MBNL2: variants seen among roughly 807,000 people sequenced by gnomAD.
MBNL2 encodes the protein muscleblind like splicing regulator 2, also known as muscleblind-like protein 2.
Under a neutral mutation model 41.9 loss-of-function variants are expected in MBNL2, and 17 were observed. The ratio of observed to expected loss-of-function variants is 0.41; its 90% CI spans 0.28 to 0.61. The LOEUF is 0.61. Ranked by LOEUF, MBNL2 falls within the 20% of genes least tolerant of loss-of-function variation. MBNL2 has a pLI of 0.35. For missense variants in MBNL2, 336 were observed against 505.6 expected, an observed-to-expected ratio of 0.66 and a Z score of 3.22; for synonymous variants, 195 against 182.9, an observed-to-expected ratio of 1.07 and a Z score of -0.53.
At chr13:97,282,063 C>A (rs941909683) in intron 2 of MBNL2, among the ~76,000 whole-genome samples, 47 of 139,748 alleles carry the variant, frequency 3.4e-4, no homozygotes, top group Non-Finnish European at 5.9e-4. Context: ...AAAAAAAAAA[C>A]ATTCTAGGCC....
chr13:97,192,710 C>G, the MBNL2 span, among the ~76,000 whole-genome samples: 1 of 152,204 alleles, frequency 6.6e-6, no homozygotes, highest in Non-Finnish European at 1.5e-5. Context: ...TGTAGAGATT[C>G]TGACTTAGGG....
the MBNL2 span, among the ~76,000 whole-genome samples, chr13:97,171,218 T>C: frequency 2.0e-5 from 3 of 152,190 alleles, no homozygotes; most frequent in South Asian, 2.1e-4. Flanking sequence ...CCAGAAATTA[T>C]TGGAGCTTAT....
chr13:97,291,032 A>C (rs889148460), intron 2 of MBNL2, among the ~76,000 whole-genome samples: 22 of 152,130 alleles, frequency 1.4e-4, no homozygotes, highest in Non-Finnish European at 2.6e-4. Flanking sequence ...CTCAGCACTA[A>C]GATTTGAGTA....
intron 2 of MBNL2, among the ~76,000 whole-genome samples, chr13:97,283,094 G>A (rs1247925296): frequency 6.6e-6 from 1 of 152,046 alleles, no homozygotes; most frequent in Non-Finnish European, 1.5e-5. Context: ...GCTACTTTTT[G>A]CCTGTGTTGT....
At chr13:97,225,096 C>G (rs2041399197) in intron 1 of MBNL2, among the ~76,000 whole-genome samples, 1 of 152,202 alleles carries the variant, frequency 6.6e-6, no homozygotes, top group South Asian at 2.1e-4. Flanking sequence ...CTTCTCTCTG[C>G]TAGTTGTTTC....
intron 3 of MBNL2, among the ~76,000 whole-genome samples, chr13:97,337,437 C>A (rs561724584): frequency 6.6e-6 from 1 of 152,182 alleles, no homozygotes; most frequent in African/African-American, 2.4e-5. Flanking sequence ...CTCCTTCCTC[C>A]GTCTCCTTTG....
chr13:97,218,356 GC>G (rs1474125050), upstream of MBNL2, among the ~76,000 whole-genome samples: 1 of 150,102 alleles, frequency 6.7e-6, no homozygotes, highest in Admixed American at 6.7e-5. Flanking sequence ...TTTGCAGTGA[GC>G]CAAGATCGCG....
chr13:97,175,200 G>A, the MBNL2 span, among the ~76,000 whole-genome samples: 20 of 152,064 alleles, frequency 1.3e-4, no homozygotes, highest in Admixed American at 4.6e-4. Context: ...CACTGCAATC[G>A]TGGGCTCTTC....
intron 8 of MBNL2, among the ~76,000 whole-genome samples, chr13:97,382,637 C>T (rs1228610230): frequency 6.6e-6 from 1 of 151,856 alleles, no homozygotes; most frequent in Non-Finnish European, 1.5e-5. Context: ...CCTTCTTCCC[C>T]ATTTCTCTTG....
At chr13:97,231,274 C>T (rs2042344230) in intron 1 of MBNL2, among the ~76,000 whole-genome samples, 3 of 152,214 alleles carry the variant, frequency 2.0e-5, no homozygotes, top group African/African-American at 7.2e-5. Context: ...TCTCATGTGC[C>T]TGCGAATCAC....
At chr13:97,187,857 T>A in the MBNL2 span, among the ~76,000 whole-genome samples, 1 of 148,280 alleles carries the variant, frequency 6.7e-6, no homozygotes. Context: ...TGCAGTGAGC[T>A]GAGATCGCGC....
At chr13:97,330,668 T>G (rs888728976) in intron 2 of MBNL2, among the ~76,000 whole-genome samples, 2 of 152,234 alleles carry the variant, frequency 1.3e-5, no homozygotes, top group South Asian at 4.1e-4. Flanking sequence ...CCTGTACCAT[T>G]TGGCTATGAC....
intron 8 of MBNL2, among the ~76,000 whole-genome samples, chr13:97,370,536 G>T (rs902199742): frequency 6.6e-6 from 1 of 151,990 alleles, no homozygotes; most frequent in African/African-American, 2.4e-5. Flanking sequence ...AGGCATGGTG[G>T]CGCATGCCTG....
intron 2 of MBNL2, among the ~76,000 whole-genome samples, chr13:97,329,960 C>T (rs2060291102): frequency 6.6e-6 from 1 of 152,190 alleles, no homozygotes; most frequent in South Asian, 2.1e-4. Flanking sequence ...CTGACCCTCT[C>T]CCACCATTCC....
At chr13:97,351,620 T>G (rs562851395) in intron 5 of MBNL2, among the ~76,000 whole-genome samples, 4 of 152,378 alleles carry the variant, frequency 2.6e-5, no homozygotes, top group Admixed American at 2.6e-4. Flanking sequence ...GGAGATGGCT[T>G]CTTTTCTTCA....
At chr13:97,209,098 A>G in the MBNL2 span, among the ~76,000 whole-genome samples, 1 of 152,246 alleles carries the variant, frequency 6.6e-6, no homozygotes, top group Admixed American at 6.5e-5. Context: ...AAAATCCTTG[A>G]AAGACATGAT....
chr13:97,219,908 C>T (rs1001724037), upstream of MBNL2, among the ~76,000 whole-genome samples: 2 of 152,082 alleles, frequency 1.3e-5, no homozygotes, highest in Admixed American at 6.5e-5. Context: ...TAAAAGATAC[C>T]GATAGCTTGG....
intron 1 of MBNL2, among the ~76,000 whole-genome samples, chr13:97,252,893 C>A (rs2046839199): frequency 6.6e-6 from 1 of 152,164 alleles, no homozygotes; most frequent in Admixed American, 6.5e-5. Context: ...ATTGGCTGCA[C>A]CATTTCTTGA....
intron 2 of MBNL2, among the ~76,000 whole-genome samples, chr13:97,285,355 A>G (rs557311387): frequency 6.6e-6 from 1 of 152,322 alleles, no homozygotes; most frequent in South Asian, 2.1e-4. Flanking sequence ...GGAAGGTGAT[A>G]TGAACAAATG....
Sources: allele counts gnomAD v4.1 joint callset (sites outside exome capture counted in the v4.1 genomes callset), GRCh38; gene constraint gnomAD v4.1.1; transcripts MANE v1.5; gene names NCBI Gene and HGNC (gene_info 2026-07-23, HGNC 2026-07-21).